The following MTMR7 variants were observed in gnomAD, a reference collection of about 807,000 sequenced individuals.
MTMR7 encodes the protein myotubularin related protein 7.
In MTMR7, 76 loss-of-function variants were observed where a neutral mutation model predicts 81.2. The ratio of observed to expected loss-of-function variants is 0.94; its 90% CI spans 0.78 to 1.13. The LOEUF (loss-of-function observed/expected upper bound fraction) is 1.13. Among genes scored for constraint, MTMR7 ranks in the 50% most tolerant of loss-of-function variants. MTMR7 has a pLI of 0.00. For synonymous variants in MTMR7, 372 were observed against 289.8 expected, an observed-to-expected ratio of 1.28 and a Z score of -2.88; for missense variants, 1,044 against 820.0, an observed-to-expected ratio of 1.27 and a Z score of -3.34.
chr8:17,363,970 T>C (rs1303578026), intron 3 of MTMR7, among the ~76,000 whole-genome samples: 1 of 148,356 alleles, frequency 6.7e-6, no homozygotes, highest in African/African-American at 2.5e-5. Context: ...TTTAATAATA[T>C]ATTGATGAAT....
chr8:17,343,525 G>A (rs1011557957), intron 5 of MTMR7, among the ~76,000 whole-genome samples: 10 of 152,068 alleles, frequency 6.6e-5, no homozygotes, highest in African/African-American at 1.9e-4. Flanking sequence ...TTTAAATGAC[G>A]AGAATTTGAG....
At position 17,297,940 on chromosome 8, in the gene MTMR7, T is replaced by C. The variant is rs1313436669; in HGVS notation, c.*1922A>G. The C allele has an allele frequency of 2.0e-5, 3 of 152,100 alleles. No homozygotes were observed. The highest frequency in any genetic ancestry group is 2.0e-4 in the Admixed American group (3 of 15,272). The allele number at this position is 152,100 out of a possible 1,614,324, so 9.4% of individuals were successfully genotyped here. A position where few individuals can be genotyped will look rare whatever the true frequency, so the allele number is the denominator to read the frequency against. On this transcript the variant is annotated 3_prime_UTR_variant, in exon 14 of 14. Coordinates refer to ENST00000180173, the MANE Select transcript of MTMR7 (RefSeq NM_004686.5). ...AAAGTTTATGACTCTGATATGGAAGTTGTCATATTAAAAAACTACATTTTA... is the reference window on the plus strand; with the variant it reads ...AAAGTTTATGACTCTGATATGGAAGCTGTCATATTAAAAAACTACATTTTA...
chr8:17,381,853 A>T (rs540709296), intron 1 of MTMR7, among the ~76,000 whole-genome samples: 1 of 152,262 alleles, frequency 6.6e-6, no homozygotes, highest in Non-Finnish European at 1.5e-5. Flanking sequence ...ACATGAAAAG[A>T]AAAGTATTTG....
rs1248365307 is a variant in MTMR7, at chr8:17,298,205, T to C, written c.*1657A>G. ...AAATGTGAAAGCCATTACCACTATA[T>C]CCTAAGTTTTATTTTAGCAAGGTAT... On this transcript the variant is annotated 3_prime_UTR_variant, in exon 14 of 14. Transcript: ENST00000180173. 1 of 152,076 alleles carries C rather than the reference T, an allele frequency of 6.6e-6. No individual in the cohort carries two copies. Among genetic ancestry groups the C allele is most frequent in the African/African-American group, 2.4e-5 (1 of 41,454 alleles). The allele number at this position is 152,076 out of a possible 1,614,324, so 9.4% of individuals were successfully genotyped here.
chr8:17,323,075 G>A (rs919974863), intron 7 of MTMR7, among the ~76,000 whole-genome samples: 1 of 150,634 alleles, frequency 6.6e-6, no homozygotes, highest in African/African-American at 2.4e-5. Flanking sequence ...AGCCTCCTGA[G>A]TAGCTGGGAC....
intron 1 of MTMR7, among the ~76,000 whole-genome samples, chr8:17,411,691 T>C (rs977395657): frequency 1.3e-5 from 2 of 152,214 alleles, no homozygotes; most frequent in Admixed American, 1.3e-4. Flanking sequence ...AGTACTGCAC[T>C]GCTTAGAGGG....
At chr8:17,389,512 G>A (rs1320884265) in intron 1 of MTMR7, among the ~76,000 whole-genome samples, 1 of 152,198 alleles carries the variant, frequency 6.6e-6, no homozygotes, top group Non-Finnish European at 1.5e-5. Context: ...CAGGATCCTT[G>A]AAGATTGGCA....
intron 1 of MTMR7, among the ~76,000 whole-genome samples, chr8:17,399,680 G>A (rs536189471): frequency 6.6e-6 from 1 of 151,988 alleles, no homozygotes; most frequent in Non-Finnish European, 1.5e-5. Context: ...TGTATTCTGT[G>A]CAAAAAGAAC....
At chr8:17,390,745 G>C (rs1821081239) in intron 1 of MTMR7, among the ~76,000 whole-genome samples, 2 of 152,154 alleles carry the variant, frequency 1.3e-5, no homozygotes, top group African/African-American at 4.8e-5. Flanking sequence ...CTTCACAAGG[G>C]AGCAGGAGAG....
intron 10 of MTMR7, among the ~76,000 whole-genome samples, chr8:17,306,859 C>G (rs548052464): frequency 3.3e-5 from 5 of 152,284 alleles, no homozygotes; most frequent in African/African-American, 1.2e-4. Flanking sequence ...AACTGGATCC[C>G]TTCTTTGCAC....
chr8:17,325,499 T>TA (rs949418662), intron 7 of MTMR7, among the ~76,000 whole-genome samples: 18 of 152,194 alleles, frequency 1.2e-4, no homozygotes, highest in African/African-American at 4.3e-4. Flanking sequence ...TGAGGCCTGC[T>TA]AAAAAGATTC....
At chr8:17,388,371 G>C (rs1269613428) in intron 1 of MTMR7, among the ~76,000 whole-genome samples, 1 of 152,150 alleles carries the variant, frequency 6.6e-6, no homozygotes, top group Admixed American at 6.5e-5. Context: ...CTGGTTCTTT[G>C]TAACTCAGTG....
intron 5 of MTMR7, among the ~76,000 whole-genome samples, chr8:17,342,488 A>G (rs775897971): frequency 1.3e-5 from 2 of 152,144 alleles, no homozygotes; most frequent in Non-Finnish European, 2.9e-5. Context: ...GGTTCCATCC[A>G]TGAAGGGGCA....
intron 1 of MTMR7, among the ~76,000 whole-genome samples, chr8:17,404,041 T>G (rs892879641): frequency 6.6e-6 from 1 of 152,168 alleles, no homozygotes; most frequent in African/African-American, 2.4e-5. Context: ...CTGTTTCCTT[T>G]CCAGTTTAGA....
intron 6 of MTMR7, among the ~76,000 whole-genome samples, chr8:17,332,369 A>G (rs990346375): frequency 6.6e-6 from 1 of 152,236 alleles, no homozygotes; most frequent in Non-Finnish European, 1.5e-5. Flanking sequence ...ACATAAAAAT[A>G]GATGCCCAAG....
At chr8:17,302,979 G>T (rs1001088378) in intron 12 of MTMR7, among the ~76,000 whole-genome samples, 6 of 151,944 alleles carry the variant, frequency 3.9e-5, no homozygotes, top group Non-Finnish European at 8.8e-5. Flanking sequence ...CCAAAGTGCT[G>T]GGATTATAGG....
In MTMR7 at chr8:17,299,773, T is replaced by G; in HGVS notation, c.*89A>C. The G allele has an allele frequency of 6.5e-7, 1 of 1,534,968 alleles. No individual in the cohort carries two copies. Among genetic ancestry groups the G allele is most frequent in the Non-Finnish European group, 8.8e-7 (1 of 1,135,448 alleles). On this transcript the variant is annotated 3_prime_UTR_variant, in exon 14 of 14. Coordinates refer to ENST00000180173, the MANE Select transcript of MTMR7 (RefSeq NM_004686.5). ...AAGTAGTTCTCAATGACATGCACCATTTCCTGTTTTTACAATAAACCACCT... is the reference window on the plus strand; with the variant it reads ...AAGTAGTTCTCAATGACATGCACCAGTTCCTGTTTTTACAATAAACCACCT...
intron 1 of MTMR7, among the ~76,000 whole-genome samples, chr8:17,389,359 C>A (rs1821037975): frequency 1.3e-5 from 2 of 152,256 alleles, no homozygotes; most frequent in South Asian, 2.1e-4. Context: ...TCCTAATATT[C>A]CCTGCAGCAC....
At chr8:17,304,746 C>CATGTGTGTGTGTGTGTGT (rs1554504621) in intron 11 of MTMR7, among the ~76,000 whole-genome samples, 1 of 146,992 alleles carries the variant, frequency 6.8e-6, no homozygotes. Context: ...GTGTTCGATT[C>CATGTGTGTGTGTGTGTGT]GTGTGTGTGT....
Sources: gnomAD v4.1 joint callset for allele counts (sites outside exome capture counted in the v4.1 genomes callset) on GRCh38, gnomAD v4.1.1 for gene constraint, MANE v1.5 for transcripts, NCBI Gene and HGNC (gene_info 2026-07-23, HGNC 2026-07-21) for gene names.